IQSEC1: variants seen among roughly 807,000 people sequenced by gnomAD.
IQSEC1 encodes the protein IQ motif and SEC7 domain-containing protein 1.
In IQSEC1, 31 loss-of-function variants were observed where a neutral mutation model predicts 91.0. The observed-to-expected ratio is 0.34, with a 90% CI of 0.26 to 0.46. The LOEUF (loss-of-function observed/expected upper bound fraction) is 0.46, where lower values mean the gene tolerates loss of function less well. Ranked by LOEUF, IQSEC1 falls within the 20% of genes least tolerant of loss-of-function variation. The pLI, the probability that IQSEC1 is intolerant of heterozygous loss-of-function variation, is 1.00. For missense variants in IQSEC1, 1,388 were observed against 1,575.6 expected (o/e 0.88, Z 2.02); for synonymous variants, 699 against 662.6 (o/e 1.05, Z -0.84).
chr3:13,022,419 G>C, intron 1 of IQSEC1: 4 of 1,065,714 alleles, frequency 3.8e-6, no homozygotes, highest in Non-Finnish European at 3.4e-6. Flanking sequence ...ACAACCTTGC[G>C]CCTGCCTCCT....
intron 2 of IQSEC1, among the ~76,000 whole-genome samples, chr3:13,102,425 G>A (rs572392626): frequency 2.2e-4 from 33 of 152,132 alleles, no homozygotes; most frequent in Non-Finnish European, 4.0e-4. Flanking sequence ...TTGGTGGGGG[G>A]CTGGATTAGA....
chr3:13,120,667 G>A (rs1234713634), intron 2 of IQSEC1, among the ~76,000 whole-genome samples: 4 of 152,236 alleles, frequency 2.6e-5, no homozygotes, highest in African/African-American at 9.6e-5. Context: ...GTGATCTGGT[G>A]CACCAAGGGA....
chr3:13,235,750 G>A (rs1200035989), intron 1 of IQSEC1, among the ~76,000 whole-genome samples: 4 of 152,218 alleles, frequency 2.6e-5, no homozygotes, highest in Admixed American at 2.6e-4. Flanking sequence ...AATGTCTGAA[G>A]TCATTGCCAC....
Position 12,915,815 on chromosome 3 carries a change from G to C in IQSEC1, c.2021-82C>G. The C allele has an allele frequency of 2.0e-6, 3 of 1,529,354 alleles. No individual in the cohort carries two copies. In the South Asian group the frequency reaches 3.6e-5, roughly 18 times the overall value. The allele number at this position is 1,529,354 out of a possible 1,614,324, so 94.7% of individuals were successfully genotyped here. A position where few individuals can be genotyped will look rare whatever the true frequency, so the allele number is the denominator to read the frequency against. ...AGTTTCTAAAGCAAATCAGAGGAGC[G>C]AACCTTCCACTAGACCCAACAGAAC... On this transcript the variant is annotated intron_variant, in intron 6 of 13. Transcript: ENST00000613206.
intron 6 of IQSEC1, among the ~76,000 whole-genome samples, chr3:12,919,822 C>T (rs963418583): frequency 6.6e-6 from 1 of 152,184 alleles, no homozygotes; most frequent in African/African-American, 2.4e-5. Flanking sequence ...GGGAGAAGGT[C>T]ACGGCCTTTT....
At chr3:13,202,028 C>A (rs529230771) in intron 1 of IQSEC1, among the ~76,000 whole-genome samples, 1 of 152,230 alleles carries the variant, frequency 6.6e-6, no homozygotes. Flanking sequence ...CAACTGCAGC[C>A]GCTGCCAAGA....
At position 12,941,492 on chromosome 3, in the gene IQSEC1, C is replaced by T. The variant is rs140002309; in HGVS notation, c.318+79G>A. The T allele has an allele frequency of 1.6e-4, 222 of 1,377,230 alleles. 3 individuals are homozygous for T. In the African/African-American group the frequency reaches 2.9e-3, roughly 18 times the overall value. The allele number at this position is 1,377,230 out of a possible 1,614,324, so 85.3% of individuals were successfully genotyped here. ...CAAGTCTATGGGAGAGATCTGCCAC[C>T]ATGCCTGGTGGGGGCACACATGGTG... On this transcript the variant is annotated intron_variant, in intron 2 of 13. Transcript: ENST00000613206.
chr3:13,094,232 G>A (rs1180130691), intron 2 of IQSEC1, among the ~76,000 whole-genome samples: 1 of 152,198 alleles, frequency 6.6e-6, no homozygotes, highest in African/African-American at 2.4e-5. Context: ...GAAGGCACTT[G>A]TGGCAGGGAG....
intron 2 of IQSEC1, among the ~76,000 whole-genome samples, chr3:12,937,615 C>A (rs1281935912): frequency 6.6e-6 from 1 of 152,234 alleles, no homozygotes; most frequent in Non-Finnish European, 1.5e-5. Context: ...TCCTCGGTTT[C>A]CTCATCTATT....
At chr3:12,901,994 C>T (rs997881116) in intron 13 of IQSEC1, among the ~76,000 whole-genome samples, 8 of 151,568 alleles carry the variant, frequency 5.3e-5, no homozygotes, top group Admixed American at 2.6e-4. Flanking sequence ...GCATGTGCTC[C>T]GCCCATGTGG....
intron 1 of IQSEC1, among the ~76,000 whole-genome samples, chr3:13,024,585 C>G (rs1703540061): frequency 6.6e-6 from 1 of 151,658 alleles, no homozygotes; most frequent in South Asian, 2.1e-4. Context: ...TCCATCCACC[C>G]ATCCACCCAC....
chr3:13,245,758 C>T (rs1254415699), intron 1 of IQSEC1, among the ~76,000 whole-genome samples: 1 of 140,932 alleles, frequency 7.1e-6, no homozygotes, highest in African/African-American at 3.0e-5. Context: ...CAGAGCCAGA[C>T]CCTGTTTCAA....
intron 2 of IQSEC1, among the ~76,000 whole-genome samples, chr3:13,098,056 C>T (rs1705994732): frequency 6.6e-6 from 1 of 152,216 alleles, no homozygotes; most frequent in East Asian, 1.9e-4. Context: ...CAGTGGTGCC[C>T]TCAATGTCTG....
At chr3:13,215,707 C>A (rs1694531138) in intron 1 of IQSEC1, among the ~76,000 whole-genome samples, 1 of 152,226 alleles carries the variant, frequency 6.6e-6, no homozygotes, top group African/African-American at 2.4e-5. Context: ...GCACTCCACC[C>A]CTGGCACGGG....
At chr3:13,222,505 A>G (rs778458373) in intron 1 of IQSEC1, among the ~76,000 whole-genome samples, 3 of 152,168 alleles carry the variant, frequency 2.0e-5, no homozygotes, top group Non-Finnish European at 4.4e-5. Flanking sequence ...GCCGGATCAT[A>G]TGGGAATTGT....
At chr3:13,227,239 G>C (rs552740108) in intron 1 of IQSEC1, among the ~76,000 whole-genome samples, 67 of 152,038 alleles carry the variant, frequency 4.4e-4, no homozygotes, top group Non-Finnish European at 8.5e-4. Flanking sequence ...AGCTGGGCAT[G>C]GTGGCGGGCG....
At chr3:12,995,298 T>G (rs1338702230) in intron 1 of IQSEC1, among the ~76,000 whole-genome samples, 1 of 152,224 alleles carries the variant, frequency 6.6e-6, no homozygotes, top group Non-Finnish European at 1.5e-5. Flanking sequence ...TTTCCCCCTC[T>G]GGACTTCTGG....
intron 10 of IQSEC1, among the ~76,000 whole-genome samples, chr3:12,910,741 T>C (rs1438657525): frequency 6.6e-6 from 1 of 152,226 alleles, no homozygotes; most frequent in Non-Finnish European, 1.5e-5. Flanking sequence ...CCTGTGGTTT[T>C]GGATGGTCCA....
intron 1 of IQSEC1, among the ~76,000 whole-genome samples, chr3:13,045,288 G>C (rs116053475): frequency 2.2e-3 from 331 of 152,262 alleles, no homozygotes; most frequent in Middle Eastern, 6.8e-3. Flanking sequence ...GTCACCACTT[G>C]ACACGTTATG....
Sources: allele counts gnomAD v4.1 joint callset (sites outside exome capture counted in the v4.1 genomes callset), GRCh38; gene constraint gnomAD v4.1.1; transcripts MANE v1.5; gene names NCBI Gene and HGNC (gene_info 2026-07-23, HGNC 2026-07-21).